The following VIP variants were observed in gnomAD, a reference collection of about 807,000 sequenced individuals.
VIP encodes the protein VIP peptides.
In VIP, 18 loss-of-function variants were observed where a neutral mutation model predicts 20.1. That is an observed-to-expected ratio of 0.90 (90% CI 0.62 to 1.33). The LOEUF (loss-of-function observed/expected upper bound fraction) is 1.33. Among genes scored for constraint, VIP ranks in the 40% most tolerant of loss-of-function variants. VIP has a pLI of 0.00. For missense variants in VIP, 209 were observed against 199.4 expected (o/e 1.05, Z -0.29); for synonymous variants, 70 against 68.1 (o/e 1.03, Z -0.14).
intron 3 of VIP, 51 bp downstream of exon 3, chr6:152,754,339 G>GT: frequency 3.3e-6 from 5 of 1,530,448 alleles, no homozygotes; most frequent in Non-Finnish European, 4.4e-6. Context: ...TAGAAAATGT[G>GT]TTTAAGAACT....
At chr6:152,757,728 C>T (rs1242170779) in intron 6 of VIP, among the ~76,000 whole-genome samples, 1 of 151,896 alleles carries the variant, frequency 6.6e-6, no homozygotes, top group East Asian at 1.9e-4. Context: ...CTTGTTTTAC[C>T]TGTAAGTTTG....
intron 6 of VIP, 140 bp downstream of exon 6, chr6:152,757,324 A>G: frequency 1.7e-6 from 1 of 585,494 alleles, no homozygotes; most frequent in Non-Finnish European, 3.0e-6. Flanking sequence ...ACACTTCTAC[A>G]ACAGTGGACC....
intron 5 of VIP, 143 bp from the exon 6 acceptor site, chr6:152,756,953 T>C: frequency 1.5e-6 from 1 of 670,432 alleles, no homozygotes; most frequent in South Asian, 2.4e-5. Context: ...TCATAGGTAC[T>C]AACAAACCTC....
intron 3 of VIP, among the ~76,000 whole-genome samples, chr6:152,754,564 A>T (rs913051349): frequency 1.3e-5 from 2 of 151,990 alleles, no homozygotes; most frequent in Non-Finnish European, 2.9e-5. Flanking sequence ...ACCAATTCTG[A>T]TAAAAGTACA....
At position 152,758,154 on chromosome 6, in the gene VIP, G is replaced by T. The variant is rs2099730708; in HGVS notation, c.*44-756G>T. Among the ~76,000 whole-genome samples, 5 of 152,058 alleles carry T rather than the reference G, an allele frequency of 3.3e-5. No individual in the cohort carries two copies. The South Asian group carries it at 1.0e-3, about 31-fold the overall frequency. ...AACTTTATTCATAAAACCTGAAGGT[G>T]AGCCAGATTCCAATCCCTAACTAGG... On this transcript the variant is annotated intron_variant, in intron 6 of 6. Transcript: ENST00000367244.
rs138142474 is a variant in VIP at position 152,752,245 on chromosome 6, C to T, written c.68C>T (p.Thr23Ile). ...LTLLSVLFSQTSAWPLYRAPS... is the reference protein window; with the variant it reads ...LTLLSVLFSQISAWPLYRAPS... ...CTTCTCAGTGTGCTCTTCTCACAGACTTCGGCATGGCCTCTTTACAGGGCA... is the reference window on the plus strand; with the variant it reads ...CTTCTCAGTGTGCTCTTCTCACAGATTTCGGCATGGCCTCTTTACAGGGCA... Residue 23 changes from threonine to isoleucine, a missense_variant, in exon 2 of 7, where the codon ACT becomes ATT. Coordinates refer to ENST00000367244, the MANE Select transcript of VIP (RefSeq NM_003381.4). The T allele has an allele frequency of 9.3e-6, 15 of 1,613,600 alleles. No individual in the cohort carries two copies. Among genetic ancestry groups the T allele is most frequent in the Non-Finnish European group, 1.3e-5 (15 of 1,179,690 alleles).
chr6:152,754,357 T>C, intron 3 of VIP, 69 bp downstream of exon 3: 2 of 1,440,914 alleles, frequency 1.4e-6, no homozygotes, highest in Non-Finnish European at 1.9e-6. Context: ...ACTATAAACG[T>C]GCTTATTTTA....
At chr6:152,751,146 T>A (rs1187845993) in intron 1 of VIP, among the ~76,000 whole-genome samples, 187 bp downstream of exon 1, 1 of 152,168 alleles carries the variant, frequency 6.6e-6, no homozygotes, top group Non-Finnish European at 1.5e-5. Context: ...ATGGATAGAT[T>A]TTCTGAATTC....
chr6:152,759,477 G>T lies in VIP; in HGVS notation c.*611G>T, dbSNP rs567476615. On this transcript the variant is annotated 3_prime_UTR_variant, in exon 7 of 7. Transcript: ENST00000367244. ...TTTTAAAAAATCTCAAATTTGGATT[G>T]CTAATCACCAAAGGCTCTCTCCTGA... The T allele has an allele frequency of 1.3e-5, 2 of 151,552 alleles. No homozygotes were observed. The highest frequency in any genetic ancestry group is 2.9e-5 in the Non-Finnish European group (2 of 67,896). 9.4% of individuals were successfully genotyped at this position (151,552 alleles called of 1,614,324 possible).
At chr6:152,757,252 C>T in intron 6 of VIP, 68 bp downstream of exon 6, 1 of 1,034,546 alleles carries the variant, frequency 9.7e-7, no homozygotes. Context: ...AGCTAAGAGT[C>T]ACTTAGTAAG....
rs2099730926 is a variant in VIP, at chr6:152,759,586, A to T, written c.*720A>T. On this transcript the variant is annotated 3_prime_UTR_variant, in exon 7 of 7. Transcript: ENST00000367244. ...TTGTGTTAAGTATGTGTAAAATGTG[A>T]AGTGAATGAAACACTCAGTTGTTCA... 1 of 151,888 alleles carries T rather than the reference A, an allele frequency of 6.6e-6. No homozygotes were observed. Among genetic ancestry groups the T allele is most frequent in the Admixed American group, 6.6e-5 (1 of 15,198 alleles). The allele number at this position is 151,888 out of a possible 1,614,324, so 9.4% of individuals were successfully genotyped here. A position where few individuals can be genotyped will look rare whatever the true frequency, so the allele number is the denominator to read the frequency against.
Position 152,752,275 on chromosome 6 carries a change from C to T in VIP, c.98C>T (p.Ser33Phe). 6.2e-7 allele frequency: 1 copy of T among 1,612,692 alleles called. No individual in the cohort carries two copies. The highest frequency in any genetic ancestry group is 2.2e-5 in the East Asian group (1 of 44,844). The change falls in exon 2 of 7, where the codon TCT becomes TTT. Residue 33 changes from serine to phenylalanine, a missense_variant. Ser to Phe is a radical substitution (Grantham distance 155, BLOSUM62 -2). Coordinates refer to ENST00000367244, the MANE Select transcript of VIP (RefSeq NM_003381.4). ...TSAWPLYRAPSALRLGDRIPF... is the reference protein window; with the variant it reads ...TSAWPLYRAPFALRLGDRIPF... ...GCATGGCCTCTTTACAGGGCACCTTCTGCTCTCAGGTAAGTTCCCTTTCAA... is the reference window on the plus strand; with the variant it reads ...GCATGGCCTCTTTACAGGGCACCTTTTGCTCTCAGGTAAGTTCCCTTTCAA...
chr6:152,758,227 C>T (rs1235306566), intron 6 of VIP, among the ~76,000 whole-genome samples: 1 of 151,920 alleles, frequency 6.6e-6, no homozygotes, highest in Non-Finnish European at 1.5e-5. Flanking sequence ...CAATTCATGG[C>T]CTTACCTCAG....
At chr6:152,752,647 T>C (rs2099729826) in intron 2 of VIP, among the ~76,000 whole-genome samples, 2 of 152,198 alleles carry the variant, frequency 1.3e-5, no homozygotes, top group Non-Finnish European at 2.9e-5. Context: ...AGCTGTTTAG[T>C]TGCCAACCAC....
chr6:152,757,039 T>C (rs752695147), intron 5 of VIP, 57 bp from the exon 6 acceptor site: 164 of 1,558,860 alleles, frequency 1.1e-4, no homozygotes, highest in Non-Finnish European at 1.4e-4. Context: ...TAATAGTTTC[T>C]TTAGACCCTT....
At chr6:152,757,816 T>C (rs192938851) in intron 6 of VIP, among the ~76,000 whole-genome samples, 5 of 152,112 alleles carry the variant, frequency 3.3e-5, no homozygotes, top group East Asian at 3.9e-4. Flanking sequence ...ACTTTTTTTC[T>C]TTGTGAAGTA....
In VIP at chr6:152,759,343, A is replaced by G. The variant is rs569650067; in HGVS notation, c.*477A>G. ...GGAATGCTGTGTTAAATAAACCTCA[A>G]AATGTCTAAGATAGTAACAATGAAG... On this transcript the variant is annotated 3_prime_UTR_variant, in exon 7 of 7. Transcript: ENST00000367244. 6.6e-5 allele frequency: 10 copies of G among 152,158 alleles called. No individual in the cohort carries two copies. The highest frequency in any genetic ancestry group is 2.4e-4 in the African/African-American group (10 of 41,550). 9.4% of individuals were successfully genotyped at this position (152,158 alleles called of 1,614,324 possible).
chr6:152,752,773 A>C (rs2099729841), intron 2 of VIP, among the ~76,000 whole-genome samples: 2 of 152,230 alleles, frequency 1.3e-5, no homozygotes, highest in African/African-American at 4.8e-5. Flanking sequence ...TCAATTTGCC[A>C]ATATTAAATA....
intron 2 of VIP, 119 bp downstream of exon 2, chr6:152,752,403 C>T: frequency 2.5e-6 from 2 of 808,972 alleles, no homozygotes; most frequent in Non-Finnish European, 3.7e-6. Flanking sequence ...TTAAATTTTT[C>T]CTTGATGTGT....
Sources: allele counts gnomAD v4.1 joint callset (sites outside exome capture counted in the v4.1 genomes callset), GRCh38; gene constraint gnomAD v4.1.1; transcripts MANE v1.5; gene names NCBI Gene and HGNC (gene_info 2026-07-23, HGNC 2026-07-21).